The following TBC1D15 variants were observed in gnomAD, a reference collection of about 807,000 sequenced individuals.
The protein encoded by TBC1D15 is GAP for RAB7.
In TBC1D15, 39 loss-of-function variants were observed where a neutral mutation model predicts 95.4. The observed-to-expected ratio is 0.41, with a 90% CI of 0.32 to 0.53. TBC1D15 has a LOEUF of 0.53. Among genes scored for constraint, TBC1D15 ranks in the 20% least tolerant of loss-of-function variants. TBC1D15 has a pLI of 0.29. For synonymous variants in TBC1D15, 258 were observed against 261.3 expected (o/e 0.99, Z 0.12); for missense variants, 733 against 794.3 (o/e 0.92, Z 0.93).
chr12:71,842,524 A>G (rs145944448), intron 1 of TBC1D15, among the ~76,000 whole-genome samples: 340 of 152,316 alleles, frequency 2.2e-3, no homozygotes, highest in African/African-American at 7.6e-3. Context: ...AAGAGGAAGA[A>G]GCAAGAAGGT....
intron 10 of TBC1D15, among the ~76,000 whole-genome samples, chr12:71,901,731 T>C (rs1004232609): frequency 6.6e-6 from 1 of 152,040 alleles, no homozygotes; most frequent in Non-Finnish European, 1.5e-5. Context: ...GACACTTTTA[T>C]TCAGCATGGT....
intron 1 of TBC1D15, chr12:71,849,971 T>G (rs1592690715): frequency 1.9e-6 from 1 of 517,490 alleles, no homozygotes; most frequent in South Asian, 1.7e-5. Context: ...ATTGCAGGAG[T>G]GCTTCTATAG....
chr12:71,919,373 G>T (rs911625444), intron 14 of TBC1D15, among the ~76,000 whole-genome samples: 24 of 151,922 alleles, frequency 1.6e-4, no homozygotes, highest in Non-Finnish European at 2.9e-5. Flanking sequence ...TAGAATGCTG[G>T]TATAATGATT....
chr12:71,841,902 CT>C (rs2137757069), intron 1 of TBC1D15, among the ~76,000 whole-genome samples: 1 of 152,142 alleles, frequency 6.6e-6, no homozygotes, highest in South Asian at 2.1e-4. Flanking sequence ...GACATGATAC[CT>C]TTATGCTTCC....
At chr12:71,897,038 C>G (rs924179965) in intron 9 of TBC1D15, among the ~76,000 whole-genome samples, 3 of 151,988 alleles carry the variant, frequency 2.0e-5, no homozygotes, top group African/African-American at 4.8e-5. Flanking sequence ...CTTGTACAAG[C>G]CTTTTGCATA....
chr12:71,856,569 A>G (rs1436389908), intron 1 of TBC1D15, among the ~76,000 whole-genome samples: 7 of 151,334 alleles, frequency 4.6e-5, no homozygotes, highest in Admixed American at 4.6e-4. Flanking sequence ...TGGGATATAT[A>G]TTTTTTTCTT....
intron 1 of TBC1D15, among the ~76,000 whole-genome samples, chr12:71,842,992 A>T (rs1221358050): frequency 6.6e-6 from 1 of 152,010 alleles, no homozygotes; most frequent in African/African-American, 2.4e-5. Context: ...ATTTCTTTCT[A>T]TTGAAAATTA....
chr12:71,852,114 GTGCACCTGCAGGC>G (rs1887978242), intron 1 of TBC1D15, among the ~76,000 whole-genome samples: 1 of 152,222 alleles, frequency 6.6e-6, no homozygotes, highest in Non-Finnish European at 1.5e-5. Flanking sequence ...GTTGCATTCT[GTGCACCTGCAGGC>G]TTAACATCAT....
At position 71,870,517 on chromosome 12, in the gene TBC1D15, GA is replaced by G. The variant is rs527510566; in HGVS notation, c.31-1552del. ...CCTTGGTGATCTTAATTACTTAAAA[GA>G]CTGTTTCCTGACATAAGTCCATATC... On this transcript the variant is annotated intron_variant, in intron 1 of 16. Transcript: ENST00000485960. Among the ~76,000 whole-genome samples the G allele has an allele frequency of 9.8e-5, 15 of 152,294 alleles. No individual in the cohort carries two copies. In the South Asian group the frequency reaches 3.1e-3, roughly 32 times the overall value.
At chr12:71,840,389 T>G (rs1354959155) in intron 1 of TBC1D15, among the ~76,000 whole-genome samples, 1 of 152,014 alleles carries the variant, frequency 6.6e-6, no homozygotes, top group Non-Finnish European at 1.5e-5. Context: ...AAATGGAGAT[T>G]TACACCATCC....
chr12:71,913,803 A>T, intron 11 of TBC1D15, 23 bp from the exon 12 acceptor site: 1 of 1,533,212 alleles, frequency 6.5e-7, no homozygotes, highest in East Asian at 2.4e-5. Context: ...GTTTTCAGAG[A>T]TGATTTTTTC....
intron 5 of TBC1D15, among the ~76,000 whole-genome samples, chr12:71,889,238 C>G (rs1484194686): frequency 2.0e-5 from 3 of 152,108 alleles, no homozygotes. Flanking sequence ...TGTGGCTGCT[C>G]TTCTTGGGGA....
intron 3 of TBC1D15, among the ~76,000 whole-genome samples, chr12:71,878,807 G>A (rs565801431): frequency 2.7e-5 from 4 of 150,928 alleles, no homozygotes; most frequent in African/African-American, 9.7e-5. Context: ...ATGAGCTACT[G>A]CACCTGGCCT....
At chr12:71,896,442 T>C (rs1384139158) in intron 8 of TBC1D15, 1 of 252,386 alleles carries the variant, frequency 4.0e-6, no homozygotes, top group East Asian at 6.0e-5. Context: ...CTGTCTGCTG[T>C]AGTCTACTGT....
intron 12 of TBC1D15, among the ~76,000 whole-genome samples, chr12:71,916,235 A>T (rs1359734536): frequency 6.6e-6 from 1 of 151,496 alleles, no homozygotes; most frequent in Non-Finnish European, 1.5e-5. Context: ...TGTTGATCCC[A>T]CTCTCCCTTC....
At chr12:71,864,075 CT>C (rs944597466) in intron 1 of TBC1D15, among the ~76,000 whole-genome samples, 85 of 144,140 alleles carry the variant, frequency 5.9e-4, no homozygotes, top group Non-Finnish European at 5.5e-4. Flanking sequence ...TATTTTCTTG[CT>C]TTTTTTTTTT....
intron 11 of TBC1D15, among the ~76,000 whole-genome samples, chr12:71,910,714 C>T (rs1902031276): frequency 6.6e-6 from 1 of 152,194 alleles, no homozygotes; most frequent in East Asian, 1.9e-4. Context: ...TAGGCATGGG[C>T]AAGGACTTCA....
At chr12:71,877,672 C>T (rs1201847727) in intron 3 of TBC1D15, among the ~76,000 whole-genome samples, 1 of 151,820 alleles carries the variant, frequency 6.6e-6, no homozygotes, top group Non-Finnish European at 1.5e-5. Flanking sequence ...ACTAAGACAT[C>T]TTTCTTGTTC....
At chr12:71,893,753 A>G (rs1897640311) in intron 6 of TBC1D15, among the ~76,000 whole-genome samples, 1 of 151,954 alleles carries the variant, frequency 6.6e-6, no homozygotes, top group Non-Finnish European at 1.5e-5. Flanking sequence ...ATATTTGAGT[A>G]CTGTTCTTAC....
Sources: allele counts gnomAD v4.1 joint callset (sites outside exome capture counted in the v4.1 genomes callset), GRCh38; gene constraint gnomAD v4.1.1; transcripts MANE v1.5; gene names NCBI Gene and HGNC (gene_info 2026-07-23, HGNC 2026-07-21).